FRMD5: variants seen among roughly 807,000 people sequenced by gnomAD.
FRMD5 encodes FERM domain containing 5.
Under a neutral mutation model 69.0 loss-of-function variants are expected in FRMD5, and 20 were observed. The ratio of observed to expected loss-of-function variants is 0.29; its 90% CI spans 0.20 to 0.42. FRMD5 has a LOEUF of 0.42. FRMD5 is among the 10% of genes least tolerant of loss of function. The pLI, the probability that FRMD5 is intolerant of heterozygous loss-of-function variation, is 1.00. For missense variants in FRMD5, 595 were observed against 708.6 expected (o/e 0.84, Z 1.82); for synonymous variants, 271 against 260.1 (o/e 1.04, Z -0.40).
At chr15:44,049,843 C>G (rs762464711) in intron 1 of FRMD5, among the ~76,000 whole-genome samples, 1 of 152,146 alleles carries the variant, frequency 6.6e-6, no homozygotes, top group African/African-American at 2.4e-5. Context: ...CAGAGTTCTC[C>G]AATTGGGAAT....
At chr15:44,012,765 T>TG (rs1890778597) in intron 1 of FRMD5, among the ~76,000 whole-genome samples, 1 of 142,726 alleles carries the variant, frequency 7.0e-6, no homozygotes, top group South Asian at 2.2e-4. Flanking sequence ...TATTGGGTTT[T>TG]TTTTTTTTTT....
chr15:43,922,257 C>T (rs887704943), intron 2 of FRMD5, among the ~76,000 whole-genome samples: 1 of 152,224 alleles, frequency 6.6e-6, no homozygotes, highest in Non-Finnish European at 1.5e-5. Context: ...GGGCAAGTTA[C>T]TTAACTTGTC....
At chr15:43,976,835 T>G (rs2140603222) in intron 1 of FRMD5, among the ~76,000 whole-genome samples, 1 of 152,036 alleles carries the variant, frequency 6.6e-6, no homozygotes, top group East Asian at 1.9e-4. Flanking sequence ...ACCAACTTTT[T>G]TTTTTTTTTC....
chr15:44,092,655 C>A (rs2076489400), intron 1 of FRMD5, among the ~76,000 whole-genome samples: 1 of 152,112 alleles, frequency 6.6e-6, no homozygotes, highest in Non-Finnish European at 1.5e-5. Context: ...TGCACCCTTG[C>A]CCTCTGTTCT....
At chr15:43,929,075 C>T (rs928376879) in intron 1 of FRMD5, among the ~76,000 whole-genome samples, 2 of 152,190 alleles carry the variant, frequency 1.3e-5, no homozygotes, top group Admixed American at 1.3e-4. Context: ...TTTATTCTCT[C>T]TATATGGTGC....
Position 43,996,715 on chromosome 15 carries a change from ATTTTTT to A in FRMD5, c.103-72412_103-72407del, listed in dbSNP as rs11397296. Among the ~76,000 whole-genome samples the A allele has an allele frequency of 3.0e-3, 255 of 86,048 alleles. 1 individual carries two copies. The highest frequency in any genetic ancestry group is 3.7e-3 in the Non-Finnish European group (189 of 51,024). The allele number at this position is 86,048 out of a possible 152,430, so 56.5% of individuals were successfully genotyped here. Reference sequence around the variant, plus strand: ...TTTTTTTTTTTAAGCTCCTCAGCTGATTTTTTTTTTTTTTTTTTTTTGTATACCAGT... The same window carrying A: ...TTTTTTTTTTTAAGCTCCTCAGCTGATTTTTTTTTTTTTTTGTATACCAGT... On this transcript the variant is annotated intron_variant, in intron 1 of 13. Coordinates refer to ENST00000417257, the MANE Select transcript of FRMD5 (RefSeq NM_032892.5).
In FRMD5 at chr15:43,906,579, G is replaced by C. The variant is rs562154022; in HGVS notation, c.428-628C>G. On this transcript the variant is annotated intron_variant, in intron 5 of 13. Transcript: ENST00000417257. The stretch of plus-strand genomic sequence containing the variant: ...GGCTGTAACTAGAAAGTATCGTTGA[G>C]TTCAGAAGCATCAAGTTCTTTTTTT... 1.1e-4 allele frequency among the ~76,000 whole-genome samples: 17 copies of C among 152,180 alleles called. No individual in the cohort carries two copies. The East Asian group carries it at 3.3e-3, about 29-fold the overall frequency.
chr15:43,916,472 CA>C (rs1409686279), intron 4 of FRMD5, among the ~76,000 whole-genome samples: 3 of 152,192 alleles, frequency 2.0e-5, no homozygotes, highest in African/African-American at 7.2e-5. Flanking sequence ...ATGAATCTGG[CA>C]ACGAAATATT....
intron 1 of FRMD5, among the ~76,000 whole-genome samples, chr15:44,080,003 T>G (rs1323597742): frequency 6.6e-6 from 1 of 152,002 alleles, no homozygotes. Context: ...TTGGGAAGAT[T>G]TAAAAGTGCT....
At chr15:44,017,332 T>C (rs1219122987) in intron 1 of FRMD5, among the ~76,000 whole-genome samples, 1 of 151,076 alleles carries the variant, frequency 6.6e-6, no homozygotes, top group Non-Finnish European at 1.5e-5. Context: ...AGCGAGACTC[T>C]GTCTCAGAAA....
chr15:44,068,395 A>G (rs1017273212), intron 1 of FRMD5, among the ~76,000 whole-genome samples: 1 of 152,208 alleles, frequency 6.6e-6, no homozygotes, highest in Admixed American at 6.5e-5. Context: ...ATATAATTGA[A>G]TATTATTTGC....
At chr15:44,179,427 G>A (rs1411184845) in intron 1 of FRMD5, among the ~76,000 whole-genome samples, 1 of 152,120 alleles carries the variant, frequency 6.6e-6, no homozygotes, top group Non-Finnish European at 1.5e-5. Context: ...TAAGATTCTG[G>A]ATTATACATA....
At chr15:44,102,807 A>G (rs1171773435) in intron 1 of FRMD5, among the ~76,000 whole-genome samples, 1 of 152,234 alleles carries the variant, frequency 6.6e-6, no homozygotes, top group African/African-American at 2.4e-5. Flanking sequence ...AAGCAACAGT[A>G]TAACAAAACT....
chr15:44,163,228 CTTATA>C (rs2077653599), intron 1 of FRMD5, among the ~76,000 whole-genome samples: 1 of 152,154 alleles, frequency 6.6e-6, no homozygotes, highest in African/African-American at 2.4e-5. Context: ...TCTTTCAGCT[CTTATA>C]TTATGTTTGA....
At chr15:43,992,040 TA>T (rs931360980) in intron 1 of FRMD5, among the ~76,000 whole-genome samples, 16 of 152,176 alleles carry the variant, frequency 1.1e-4, no homozygotes, top group Non-Finnish European at 2.2e-4. Flanking sequence ...TATCTTCTAT[TA>T]AAAAAATACT....
chr15:43,914,085 G>T (rs987479910), intron 4 of FRMD5, among the ~76,000 whole-genome samples: 1 of 152,168 alleles, frequency 6.6e-6, no homozygotes, highest in African/African-American at 2.4e-5. Flanking sequence ...GACAGAATTA[G>T]CAAGAGCCTG....
At chr15:44,097,679 A>G (rs1278788752) in intron 1 of FRMD5, among the ~76,000 whole-genome samples, 1 of 152,184 alleles carries the variant, frequency 6.6e-6, no homozygotes, top group African/African-American at 2.4e-5. Flanking sequence ...TAATTTGTCT[A>G]ATGTGTGCAA....
At position 44,020,366 on chromosome 15, in the gene FRMD5, G is replaced by A. The variant is rs555615645; in HGVS notation, c.103-96057C>T. ...GTCCTCAATTTACAGATGAGAAATTGAGACACTGAGAAGTTATATATCTTC... is the reference window on the plus strand; with the variant it reads ...GTCCTCAATTTACAGATGAGAAATTAAGACACTGAGAAGTTATATATCTTC... On this transcript the variant is annotated intron_variant, in intron 1 of 13. Coordinates refer to ENST00000417257, the MANE Select transcript of FRMD5 (RefSeq NM_032892.5). Among the ~76,000 whole-genome samples the A allele has an allele frequency of 3.9e-5, 6 of 152,266 alleles. No individual in the cohort carries two copies. In the South Asian group the frequency reaches 1.2e-3, roughly 32 times the overall value.
At chr15:44,163,161 G>A (rs763629874) in intron 1 of FRMD5, among the ~76,000 whole-genome samples, 2 of 152,008 alleles carry the variant, frequency 1.3e-5, no homozygotes, top group African/African-American at 2.4e-5. Context: ...GCGACAGAGC[G>A]AGACTCCGTC....
Sources: allele counts gnomAD v4.1 joint callset (sites outside exome capture counted in the v4.1 genomes callset), GRCh38; gene constraint gnomAD v4.1.1; transcripts MANE v1.5; gene names NCBI Gene and HGNC (gene_info 2026-07-23, HGNC 2026-07-21).